NPEPPS: variants seen among roughly 807,000 people sequenced by gnomAD.
NPEPPS encodes aminopeptidase puromycin sensitive, also known as puromycin-sensitive aminopeptidase.
Under a neutral mutation model 115.5 loss-of-function variants are expected in NPEPPS, and 14 were observed. That is an observed-to-expected ratio of 0.12 (90% confidence interval 0.08 to 0.19). The LOEUF (loss-of-function observed/expected upper bound fraction) is 0.19, where lower values mean the gene tolerates loss of function less well. NPEPPS is among the 10% of genes least tolerant of loss of function. The pLI is 1.00. For synonymous variants in NPEPPS, 285 were observed against 390.6 expected (o/e 0.73, Z 3.19); for missense variants, 523 against 1,110.8 (o/e 0.47, Z 7.52).
chr17:47,583,923 T>TAAA (rs58468752), intron 5 of NPEPPS, among the ~76,000 whole-genome samples: 1 of 140,096 alleles, frequency 7.1e-6, no homozygotes, highest in Non-Finnish European at 1.5e-5. Flanking sequence ...CCCCATCTCT[T>TAAA]AAAAAAAAAA....
upstream of NPEPPS, among the ~76,000 whole-genome samples, chr17:47,528,513 TA>T (rs1907527144): frequency 6.6e-6 from 1 of 152,142 alleles, no homozygotes; most frequent in Non-Finnish European, 1.5e-5. Context: ...CAAGAGCCAC[TA>T]ACCACACGTG....
upstream of NPEPPS, among the ~76,000 whole-genome samples, chr17:47,526,319 G>A (rs1385601691): frequency 2.0e-5 from 3 of 152,336 alleles, no homozygotes; most frequent in Admixed American, 6.5e-5. Flanking sequence ...TGGGAAAAGA[G>A]AGTTGGGTGG....
intron 22 of NPEPPS, chr17:47,620,219 A>G (rs1054365642): frequency 1.3e-5 from 2 of 153,226 alleles, no homozygotes; most frequent in Non-Finnish European, 2.9e-5. Context: ...TGTCTCAAAA[A>G]AAAAAAAAAA....
chr17:47,527,777 A>T (rs1364201379), upstream of NPEPPS, among the ~76,000 whole-genome samples: 3 of 151,770 alleles, frequency 2.0e-5, no homozygotes, highest in African/African-American at 7.3e-5. Context: ...ACAAACAAAC[A>T]AATAAAACTA....
In NPEPPS at chr17:47,606,381, G is replaced by A. The variant is rs555244578; in HGVS notation, c.2095+829G>A. On this transcript the variant is annotated intron_variant, in intron 17 of 22. Coordinates refer to ENST00000322157, the MANE Select transcript of NPEPPS (RefSeq NM_006310.4). ...TCATCTGCTAATAACTAAAGGTGGT[G>A]TTTCCTCCTGACCAGTCTTGACCCA... Among the ~76,000 whole-genome samples, 4 of 151,684 alleles carry A rather than the reference G, an allele frequency of 2.6e-5. No individual in the cohort carries two copies. In the South Asian group the frequency reaches 8.4e-4, roughly 32 times the overall value.
intron 2 of NPEPPS, among the ~76,000 whole-genome samples, chr17:47,562,466 T>C (rs1409822358): frequency 6.6e-6 from 1 of 152,160 alleles, no homozygotes; most frequent in African/African-American, 2.4e-5. Context: ...TGTTGATGAT[T>C]GTGGTGTAAG....
chr17:47,553,273 T>A (rs1012172527), intron 2 of NPEPPS, among the ~76,000 whole-genome samples: 29 of 150,748 alleles, frequency 1.9e-4, no homozygotes, highest in African/African-American at 7.1e-4. Context: ...CTCGGGAGGC[T>A]GAGGTGGGAG....
rs377279770 is a variant in NPEPPS, at chr17:47,580,197, T to C, written c.540+686T>C. 2.0e-5 allele frequency: 3 copies of C among 152,162 alleles called. No homozygotes were observed. The East Asian group carries it at 5.8e-4, about 29-fold the overall frequency. 9.4% of individuals were successfully genotyped at this position (152,162 alleles called of 1,614,324 possible). On this transcript the variant is annotated intron_variant, in intron 4 of 22. Transcript: ENST00000322157. ...CCCTATATTGTTTGCTTGTTTGGGA[T>C]AACCTAAAATTTTTTATCCAGTTTA...
chr17:47,528,932 G>A (rs1442343504), upstream of NPEPPS, among the ~76,000 whole-genome samples: 4 of 151,766 alleles, frequency 2.6e-5, no homozygotes, highest in Non-Finnish European at 5.9e-5. Context: ...CACCGTGCCC[G>A]GCCTCATTAA....
intron 1 of NPEPPS, among the ~76,000 whole-genome samples, chr17:47,535,242 C>CAAAAA (rs1163530675): frequency 1.8e-5 from 1 of 57,110 alleles, no homozygotes; most frequent in Non-Finnish European, 2.9e-5. Flanking sequence ...GACTCTGTCT[C>CAAAAA]AAAAAAAAAA....
chr17:47,570,413 C>G (rs1911123663), intron 3 of NPEPPS, among the ~76,000 whole-genome samples: 1 of 152,156 alleles, frequency 6.6e-6, no homozygotes, highest in Admixed American at 6.5e-5. Context: ...TAGAGTGGGA[C>G]TCTGTCTAAA....
At chr17:47,620,395 A>C (rs1008628136) in intron 22 of NPEPPS, among the ~76,000 whole-genome samples, 28 of 152,142 alleles carry the variant, frequency 1.8e-4, no homozygotes, top group African/African-American at 4.6e-4. Flanking sequence ...GAATGATAGA[A>C]TAGCTTACAG....
In NPEPPS at chr17:47,569,454, T is replaced by C. The variant is rs1344054361; in HGVS notation, c.378T>C (p.Asp126=). The C allele has an allele frequency of 3.9e-6, 6 of 1,542,386 alleles. No homozygotes were observed. The African/African-American group carries it at 5.4e-5, about 14-fold the overall frequency. ...HATGFNYQNE[D]EKVTLSFPST... Reference sequence around the variant, plus strand: ...CAGGATTTAACTATCAGAATGAAGATGAAAAAGTCACCTTGTCTTTCCCTA... The same window carrying C: ...CAGGATTTAACTATCAGAATGAAGACGAAAAAGTCACCTTGTCTTTCCCTA... Residue 126 remains aspartate (D), a synonymous_variant, in exon 3 of 23, where the codon GAT becomes GAC. Coordinates refer to ENST00000322157, the MANE Select transcript of NPEPPS (RefSeq NM_006310.4).
chr17:47,608,249 G>T (rs1485344600), intron 17 of NPEPPS, among the ~76,000 whole-genome samples: 1 of 152,100 alleles, frequency 6.6e-6, no homozygotes, highest in Non-Finnish European at 1.5e-5. Context: ...GAGGTCAGGA[G>T]TTTTGAGACA....
intron 19 of NPEPPS, among the ~76,000 whole-genome samples, chr17:47,617,138 A>G (rs1914257741): frequency 1.3e-5 from 2 of 152,310 alleles, no homozygotes; most frequent in South Asian, 2.1e-4. Context: ...TTTAGAAAGC[A>G]GGTAGCAAAA....
intron 3 of NPEPPS, among the ~76,000 whole-genome samples, chr17:47,578,610 A>G (rs1275614762): frequency 1.3e-5 from 2 of 152,184 alleles, no homozygotes; most frequent in African/African-American, 2.4e-5. Context: ...TTATACAACA[A>G]TAGAATACAT....
chr17:47,572,813 T>C (rs1324910018), intron 3 of NPEPPS, among the ~76,000 whole-genome samples: 1 of 152,206 alleles, frequency 6.6e-6, no homozygotes, highest in Admixed American at 6.6e-5. Context: ...TCTTGCTCTG[T>C]CACCCAGACT....
intron 1 of NPEPPS, among the ~76,000 whole-genome samples, chr17:47,533,768 TG>T (rs1907995001): frequency 6.6e-6 from 1 of 152,140 alleles, no homozygotes; most frequent in African/African-American, 2.4e-5. Flanking sequence ...AGCAGGGACT[TG>T]TTAATTTGAT....
In NPEPPS at chr17:47,621,928, G is replaced by A; in HGVS notation, c.*8G>A. On this transcript the variant is annotated 3_prime_UTR_variant, in exon 23 of 23. Transcript: ENST00000322157. ...TCACCACCCACAGTGTGAATCCTGA[G>A]GTGCCGCCATTGGCGGTTCTGCTGC... 1 of 1,606,360 alleles carries A rather than the reference G, an allele frequency of 6.2e-7. No individual in the cohort carries two copies. Among genetic ancestry groups the A allele is most frequent in the South Asian group, 1.1e-5 (1 of 90,372 alleles).
Sources: gnomAD v4.1 joint callset for allele counts (sites outside exome capture counted in the v4.1 genomes callset) on GRCh38, gnomAD v4.1.1 for gene constraint, MANE v1.5 for transcripts, NCBI Gene and HGNC (gene_info 2026-07-23, HGNC 2026-07-21) for gene names.